LEMD3: variants seen among roughly 807,000 people sequenced by gnomAD.
The protein encoded by LEMD3 is LEM domain containing 3.
A neutral mutation model predicts 95.2 loss-of-function variants in LEMD3; 33 were observed. The observed-to-expected ratio is 0.35, with a 90% confidence interval of 0.26 to 0.46. The LOEUF is 0.46. LEMD3 is among the 20% of genes least tolerant of loss of function. The pLI, the probability that LEMD3 is intolerant of heterozygous loss-of-function variation, is 1.00. For missense variants in LEMD3, 1,210 were observed against 1,192.8 expected (o/e 1.01, Z -0.21); for synonymous variants, 525 against 474.6 (o/e 1.11, Z -1.38).
At chr12:65,176,517 A>G (rs1193765673) in intron 1 of LEMD3, among the ~76,000 whole-genome samples, 1 of 152,226 alleles carries the variant, frequency 6.6e-6, no homozygotes, top group Non-Finnish European at 1.5e-5. Context: ...TAAGACATTA[A>G]TTGCATCCTT....
At chr12:65,198,692 G>A (rs538208091) in intron 1 of LEMD3, among the ~76,000 whole-genome samples, 1 of 152,158 alleles carries the variant, frequency 6.6e-6, no homozygotes, top group South Asian at 2.1e-4. Flanking sequence ...TATAACCCAT[G>A]CACATCTTCC....
chr12:65,175,422 T>C (rs1868687457), intron 1 of LEMD3, among the ~76,000 whole-genome samples: 2 of 152,152 alleles, frequency 1.3e-5, no homozygotes, highest in Non-Finnish European at 2.9e-5. Context: ...TCTATTTTCT[T>C]CCCTGCCATT....
chr12:65,229,633 A>G (rs1330723963), intron 4 of LEMD3, among the ~76,000 whole-genome samples: 1 of 152,024 alleles, frequency 6.6e-6, no homozygotes. Context: ...CTGATGATTC[A>G]TATGTTGGGC....
intron 1 of LEMD3, among the ~76,000 whole-genome samples, chr12:65,200,187 CTGAT>C (rs1371283895): frequency 6.6e-6 from 1 of 152,090 alleles, no homozygotes; most frequent in Non-Finnish European, 1.5e-5. Flanking sequence ...ACTTAAGCCT[CTGAT>C]TGGTCACTTT....
chr12:65,232,620 T>C (rs1592459191), intron 4 of LEMD3, among the ~76,000 whole-genome samples: 2 of 152,302 alleles, frequency 1.3e-5, no homozygotes, highest in African/African-American at 2.4e-5. Context: ...ACTCCAGTGC[T>C]CTTCTTGAGC....
At chr12:65,174,865 G>T (rs1398642847) in intron 1 of LEMD3, among the ~76,000 whole-genome samples, 1 of 152,162 alleles carries the variant, frequency 6.6e-6, no homozygotes, top group Non-Finnish European at 1.5e-5. Context: ...GGTATTGCTG[G>T]TAACTTTTGG....
chr12:65,213,735 T>C (rs981181474), intron 2 of LEMD3, among the ~76,000 whole-genome samples: 18 of 152,228 alleles, frequency 1.2e-4, no homozygotes, highest in African/African-American at 4.3e-4. Context: ...AGGTCCCTCT[T>C]ATGTTTATTA....
intron 1 of LEMD3, among the ~76,000 whole-genome samples, chr12:65,199,799 T>G (rs1410378751): frequency 6.6e-6 from 1 of 152,046 alleles, no homozygotes; most frequent in African/African-American, 2.4e-5. Context: ...AGAGCATGAT[T>G]AATGGATCAT....
In LEMD3 at chr12:65,243,389, A is replaced by T. The variant is rs1565801080; in HGVS notation, c.2307A>T (p.Ala769=). The change falls in exon 10 of 13, where the codon GCA becomes GCT. Residue 769 remains alanine (A), a splice_region_variant and synonymous_variant. Transcript: ENST00000308330. ...GTAAAACTAACTTGTTTTTTGTAGCATTTCATTTAGATAGAAGAAATTCAC... is the reference window on the plus strand; with the variant it reads ...GTAAAACTAACTTGTTTTTTGTAGCTTTTCATTTAGATAGAAGAAATTCAC... ...VIPSKVWQGQ[A]FHLDRRNSPP... is the part of the protein sequence containing the mutation. 1 of 1,570,188 alleles carries T rather than the reference A, an allele frequency of 6.4e-7. No homozygotes were observed. Among genetic ancestry groups the T allele is most frequent in the Admixed American group, 1.7e-5 (1 of 59,960 alleles).
chr12:65,226,767 G>A (rs1477040246), intron 4 of LEMD3, among the ~76,000 whole-genome samples: 1 of 152,182 alleles, frequency 6.6e-6, no homozygotes, highest in Non-Finnish European at 1.5e-5. Flanking sequence ...ATGTGGGACT[G>A]CCGTTAATAC....
chr12:65,171,303 C>T (rs538640515), intron 1 of LEMD3, 185 bp downstream of exon 1: 1 of 1,083,082 alleles, frequency 9.2e-7, no homozygotes, highest in Admixed American at 2.7e-5. Context: ...TGTCATATGG[C>T]TGGTTTTAAA....
intron 4 of LEMD3, 37 bp from the exon 5 acceptor site, chr12:65,238,465 A>T: frequency 2.3e-6 from 3 of 1,314,548 alleles, no homozygotes; most frequent in Non-Finnish European, 3.3e-6. Flanking sequence ...TCGAATGTAG[A>T]TTAAGAATAG....
chr12:65,192,338 T>C (rs1869270350), intron 1 of LEMD3, among the ~76,000 whole-genome samples: 1 of 152,214 alleles, frequency 6.6e-6, no homozygotes, highest in African/African-American at 2.4e-5. Context: ...TCTACATGTC[T>C]ACAGTTTTCT....
intron 4 of LEMD3, among the ~76,000 whole-genome samples, chr12:65,231,660 G>T (rs1271335961): frequency 2.0e-5 from 3 of 151,896 alleles, no homozygotes; most frequent in Non-Finnish European, 2.9e-5. Context: ...CAGAGTGAGA[G>T]CCTGTCTCAA....
chr12:65,185,092 G>A (rs1293957149), intron 1 of LEMD3, among the ~76,000 whole-genome samples: 1 of 151,930 alleles, frequency 6.6e-6, no homozygotes, highest in Admixed American at 6.6e-5. Context: ...TGAGCAGCTG[G>A]TCTACAGGCA....
In LEMD3 at chr12:65,247,013, T is replaced by C. The variant is rs188087693; in HGVS notation, c.*688T>C. Reference sequence around the variant, plus strand: ...TCATAATCTAATGTGTGTGTATATATGTATGTGTGTATGTGTGTGTATATA... The same window carrying C: ...TCATAATCTAATGTGTGTGTATATACGTATGTGTGTATGTGTGTGTATATA... On this transcript the variant is annotated 3_prime_UTR_variant, in exon 13 of 13. Coordinates refer to ENST00000308330, the MANE Select transcript of LEMD3 (RefSeq NM_014319.5). 2.0e-5 allele frequency: 3 copies of C among 153,340 alleles called. No individual in the cohort carries two copies. Among genetic ancestry groups the C allele is most frequent in the East Asian group, 3.8e-4 (2 of 5,200 alleles). The allele number at this position is 153,340 out of a possible 1,614,324, so 9.5% of individuals were successfully genotyped here. A position where few individuals can be genotyped will look rare whatever the true frequency, so the allele number is the denominator to read the frequency against.
At chr12:65,245,979 T>C in intron 12 of LEMD3, 40 bp downstream of exon 12, 1 of 1,480,192 alleles carries the variant, frequency 6.8e-7, no homozygotes, top group Non-Finnish European at 9.4e-7. Context: ...GAAAAGATAG[T>C]TATAGTTTAA....
intron 1 of LEMD3, among the ~76,000 whole-genome samples, chr12:65,183,843 T>C (rs534321114): frequency 1.3e-5 from 2 of 152,324 alleles, no homozygotes; most frequent in East Asian, 3.9e-4. Flanking sequence ...TCCTTGCTCA[T>C]ATTCCTGATT....
intron 4 of LEMD3, among the ~76,000 whole-genome samples, chr12:65,230,213 G>A (rs1870579827): frequency 6.6e-6 from 1 of 152,148 alleles, no homozygotes; most frequent in South Asian, 2.1e-4. Context: ...TAGCTTTGTA[G>A]TGTATTTTGA....
Sources: allele counts gnomAD v4.1 joint callset (sites outside exome capture counted in the v4.1 genomes callset), GRCh38; gene constraint gnomAD v4.1.1; transcripts MANE v1.5; gene names NCBI Gene and HGNC (gene_info 2026-07-23, HGNC 2026-07-21).